The following CELF4 variants were observed in gnomAD, a reference collection of about 807,000 sequenced individuals.
The protein encoded by CELF4 is CUGBP Elav-like family member 4, also known as CUG-BP- and ETR-3-like factor 4.
A neutral mutation model predicts 59.9 loss-of-function variants in CELF4; 18 were observed. That is an observed-to-expected ratio of 0.30 (90% CI 0.21 to 0.45). The LOEUF is 0.45. Among genes scored for constraint, CELF4 ranks in the 20% least tolerant of loss-of-function variants. The pLI, the probability that CELF4 is intolerant of heterozygous loss-of-function variation, is 1.00. For missense variants in CELF4, 456 were observed against 689.0 expected, an observed-to-expected ratio of 0.66 and a Z score of 3.79; for synonymous variants, 261 against 267.1, an observed-to-expected ratio of 0.98 and a Z score of 0.22.
At chr18:37,308,777 G>C (rs4799442) in intron 3 of CELF4, among the ~76,000 whole-genome samples, 1 of 151,582 alleles carries the variant, frequency 6.6e-6, no homozygotes, top group Non-Finnish European at 1.5e-5. Context: ...CCCCGATAAG[G>C]GTCCCGGCTG....
chr18:37,522,630 A>T (rs2099958838), intron 1 of CELF4, among the ~76,000 whole-genome samples: 1 of 152,110 alleles, frequency 6.6e-6, no homozygotes, highest in Non-Finnish European at 1.5e-5. Flanking sequence ...CTGAGGAAAC[A>T]ATGAGGGGAA....
At chr18:37,395,424 T>C (rs1337348437) in intron 2 of CELF4, among the ~76,000 whole-genome samples, 1 of 152,094 alleles carries the variant, frequency 6.6e-6, no homozygotes, top group Non-Finnish European at 1.5e-5. Context: ...CCCCTCTGTA[T>C]CCTCCCCGTT....
At chr18:37,359,542 T>C (rs918838320) in intron 2 of CELF4, among the ~76,000 whole-genome samples, 3 of 152,048 alleles carry the variant, frequency 2.0e-5, no homozygotes, top group African/African-American at 7.2e-5. Flanking sequence ...CTATGTTGCC[T>C]AGGCTGGTCT....
chr18:37,562,926 C>A (rs1202437267), intron 1 of CELF4, among the ~76,000 whole-genome samples: 4 of 152,054 alleles, frequency 2.6e-5, no homozygotes, highest in African/African-American at 7.2e-5. Context: ...GGGTGAGCTG[C>A]GACAACGAGG....
intron 1 of CELF4, among the ~76,000 whole-genome samples, chr18:37,511,880 A>G (rs577093337): frequency 3.2e-4 from 48 of 152,208 alleles, no homozygotes; most frequent in African/African-American, 1.1e-3. Flanking sequence ...GGCATCTGTC[A>G]TTTCTGAAAG....
chr18:37,504,806 T>C (rs1482705834), intron 1 of CELF4, among the ~76,000 whole-genome samples: 1 of 152,118 alleles, frequency 6.6e-6, no homozygotes. Flanking sequence ...CCTCGAGAGG[T>C]GAGGTCAGAG....
intron 12 of CELF4, among the ~76,000 whole-genome samples, chr18:37,252,953 G>A (rs988256945): frequency 1.3e-5 from 2 of 152,032 alleles, no homozygotes; most frequent in African/African-American, 4.8e-5. Context: ...GAGGCTGCAA[G>A]AGCCACAGCA....
chr18:37,493,033 T>C (rs2099911509), intron 1 of CELF4, among the ~76,000 whole-genome samples: 1 of 152,170 alleles, frequency 6.6e-6, no homozygotes, highest in African/African-American at 2.4e-5. Flanking sequence ...TCTTCTTCCC[T>C]CTCTCTTCCC....
chr18:37,549,002 A>T (rs2099982304), intron 1 of CELF4, among the ~76,000 whole-genome samples: 1 of 152,176 alleles, frequency 6.6e-6, no homozygotes, highest in African/African-American at 2.4e-5. Flanking sequence ...CGTCCACCGA[A>T]CAGATGCGTG....
chr18:37,324,475 A>G (rs1043702114), intron 2 of CELF4, among the ~76,000 whole-genome samples: 2 of 152,094 alleles, frequency 1.3e-5, no homozygotes, highest in African/African-American at 4.8e-5. Context: ...CCAGAAACCA[A>G]TCCTGCCCAC....
intron 1 of CELF4, among the ~76,000 whole-genome samples, chr18:37,493,566 G>A (rs1196418786): frequency 6.6e-6 from 1 of 152,082 alleles, no homozygotes; most frequent in African/African-American, 2.4e-5. Flanking sequence ...TGTGGGGGAG[G>A]TGGGCCATGG....
chr18:37,289,425 A>C (rs1338869684), intron 3 of CELF4, among the ~76,000 whole-genome samples: 1 of 152,170 alleles, frequency 6.6e-6, no homozygotes, highest in Non-Finnish European at 1.5e-5. Context: ...TCCCACCCAC[A>C]AGTCTCCAGG....
chr18:37,350,326 T>A (rs1489884606), intron 2 of CELF4, among the ~76,000 whole-genome samples: 1 of 152,178 alleles, frequency 6.6e-6, no homozygotes, highest in Non-Finnish European at 1.5e-5. Flanking sequence ...TGCAAATAAC[T>A]TTGTTCCAAG....
intron 3 of CELF4, among the ~76,000 whole-genome samples, chr18:37,314,169 C>T (rs530247930): frequency 4.0e-4 from 61 of 152,262 alleles, no homozygotes; most frequent in Admixed American, 9.2e-4. Context: ...TGGCTTCCGG[C>T]CACACGGTGG....
At chr18:37,521,720 G>A (rs1428226568) in intron 1 of CELF4, among the ~76,000 whole-genome samples, 2 of 152,200 alleles carry the variant, frequency 1.3e-5, no homozygotes, top group Non-Finnish European at 2.9e-5. Context: ...AACCGTCTGG[G>A]CTGCAGGAGC....
At chr18:37,478,405 G>A (rs1490760097) in intron 2 of CELF4, among the ~76,000 whole-genome samples, 1 of 152,220 alleles carries the variant, frequency 6.6e-6, no homozygotes, top group African/African-American at 2.4e-5. Context: ...GAGGTTCTCT[G>A]GTTCTTTCAG....
intron 2 of CELF4, chr18:37,473,436 G>C (rs1344374710): frequency 1.3e-5 from 2 of 152,142 alleles, no homozygotes; most frequent in African/African-American, 4.8e-5. Context: ...CAATATTTAA[G>C]CCACACACAA....
intron 2 of CELF4, among the ~76,000 whole-genome samples, chr18:37,442,256 C>CA (rs1047741933): frequency 1.3e-5 from 2 of 152,142 alleles, no homozygotes; most frequent in African/African-American, 4.8e-5. Flanking sequence ...CCCATGCCTC[C>CA]AGGCCCACAT....
rs116325879 is a variant in CELF4, at chr18:37,538,740, C to G, written c.286+26616G>C. 7.8e-3 allele frequency among the ~76,000 whole-genome samples: 1,180 copies of G among 152,250 alleles called. 16 individuals are homozygous for G. Among genetic ancestry groups the G allele is most frequent in the African/African-American group, 0.027 (1,122 of 41,540 alleles). ...GGGAATAGCTGGCCTGGTGCTTTAG[C>G]GAATATAGAAAGCAATTCTGACATT... On this transcript the variant is annotated intron_variant, in intron 1 of 12. Coordinates refer to ENST00000420428, the MANE Select transcript of CELF4 (RefSeq NM_020180.4).
Sources: gnomAD v4.1 joint callset for allele counts (sites outside exome capture counted in the v4.1 genomes callset) on GRCh38, gnomAD v4.1.1 for gene constraint, MANE v1.5 for transcripts, NCBI Gene and HGNC (gene_info 2026-07-23, HGNC 2026-07-21) for gene names.